IPO8: variants seen among roughly 807,000 people sequenced by gnomAD.
IPO8 encodes importin-8.
Under a neutral mutation model 141.2 loss-of-function variants are expected in IPO8, and 65 were observed. The observed-to-expected ratio is 0.46, with a 90% CI of 0.38 to 0.57. The LOEUF (loss-of-function observed/expected upper bound fraction) is 0.57. IPO8 is among the 20% of genes least tolerant of loss of function. The probability of loss-of-function intolerance (pLI) is 0.00; values close to 1 mark genes in which losing one functional copy is unlikely to be tolerated. For missense variants in IPO8, 980 were observed against 1,246.8 expected (o/e 0.79, Z 3.22); for synonymous variants, 411 against 420.3 (o/e 0.98, Z 0.27).
In IPO8 at chr12:30,634,137, G is replaced by A. The variant is rs752044190; in HGVS notation, c.2845C>T (p.Leu949Phe). The change falls in exon 23 of 25, where the codon CTT (leucine) becomes TTT (phenylalanine). Residue 949 changes from leucine to phenylalanine, a missense_variant. Around this residue, in one of 3 missense-constraint regions of IPO8, gnomAD observed 924 missense variants for 1,153.9 expected, o/e 0.80. Coordinates refer to ENST00000256079, the MANE Select transcript of IPO8 (RefSeq NM_006390.4). ...TCATCCACACTATTGTCAAGGTCAA[G>A]TGGAGTACTGAACCCCTCAAGCGCG... ...ETALEGFSTP[L>F]DLDNSVDEYQ... is the part of the protein sequence containing the mutation. 11 of 1,613,894 alleles carry A rather than the reference G, an allele frequency of 6.8e-6. No homozygotes were observed. The highest frequency in any genetic ancestry group is 9.3e-6 in the Non-Finnish European group (11 of 1,179,926).
Position 30,666,156 on chromosome 12 carries a change from A to T in IPO8, c.1221+19T>A. The T allele has an allele frequency of 6.6e-7, 1 of 1,518,236 alleles. No homozygotes were observed. The highest frequency in any genetic ancestry group is 8.9e-7 in the Non-Finnish European group (1 of 1,118,386). The allele number at this position is 1,518,236 out of a possible 1,614,324, so 94.0% of individuals were successfully genotyped here. ...CAGGCCACCTTTCAGTTTTGGATTT[A>T]AAAAGAAAAATGAAATACCTCTTTT... is the stretch of plus-strand genomic sequence containing the variant. On this transcript the variant is annotated intron_variant, in intron 11 of 24. Coordinates refer to ENST00000256079, the MANE Select transcript of IPO8 (RefSeq NM_006390.4).
At chr12:30,667,059 G>C (rs946330416) in intron 10 of IPO8, among the ~76,000 whole-genome samples, 2 of 152,164 alleles carry the variant, frequency 1.3e-5, no homozygotes, top group Admixed American at 1.3e-4. Context: ...TATCTGATAA[G>C]TCCTTGTTTA....
chr12:30,663,924 G>A (rs775197351), intron 13 of IPO8, among the ~76,000 whole-genome samples: 3 of 152,116 alleles, frequency 2.0e-5, no homozygotes, highest in African/African-American at 4.8e-5. Flanking sequence ...ATCTATTTAC[G>A]CTTTTAATAA....
At chr12:30,642,456 G>A (rs1000386443) in intron 20 of IPO8, among the ~76,000 whole-genome samples, 26 of 151,580 alleles carry the variant, frequency 1.7e-4, no homozygotes, top group Non-Finnish European at 2.8e-4. Context: ...AATTATCTGT[G>A]TACATTAATG....
chr12:30,680,688 A>G, intron 4 of IPO8, 50 bp from the exon 5 acceptor site: 2 of 1,396,866 alleles, frequency 1.4e-6, no homozygotes, highest in Non-Finnish European at 2.0e-6. Flanking sequence ...CACCCAAAGA[A>G]CCATCAACAA....
Position 30,656,701 on chromosome 12 carries a change from A to C in IPO8, c.1931T>G (p.Leu644Arg). ...NICLRIIDLV[L>R]QKHVIEFYEE... is the part of the protein sequence containing the mutation. ...GAACTTACCAATTACATGTTTCTGCAGAACAAGATCAATGATCCGTAGACA... is the reference window on the plus strand; with the variant it reads ...GAACTTACCAATTACATGTTTCTGCCGAACAAGATCAATGATCCGTAGACA... The change falls in exon 17 of 25, where the codon CTG becomes CGG. Residue 644 changes from leucine to arginine, a missense_variant. Leu to Arg is a moderately radical substitution (Grantham distance 102, BLOSUM62 -2). This residue lies in a region of IPO8 where 924 missense variants were observed against 1,153.9 expected (regional missense o/e 0.80). Transcript: ENST00000256079. 6.4e-7 allele frequency: 1 copy of C among 1,561,792 alleles called. No homozygotes were observed. Among genetic ancestry groups the C allele is most frequent in the Non-Finnish European group, 8.7e-7 (1 of 1,148,362 alleles).
chr12:30,658,568 T>C (rs1002993581), intron 16 of IPO8, among the ~76,000 whole-genome samples: 1 of 152,084 alleles, frequency 6.6e-6, no homozygotes, highest in African/African-American at 2.4e-5. Flanking sequence ...AGAGAAAAAA[T>C]AAAAACAGAA....
At chr12:30,660,972 T>G (rs1409234790) in intron 16 of IPO8, among the ~76,000 whole-genome samples, 169 bp downstream of exon 16, 1 of 151,054 alleles carries the variant, frequency 6.6e-6, no homozygotes, top group Non-Finnish European at 1.5e-5. Context: ...TATTATAATG[T>G]TACTCAGTCA....
chr12:30,671,016 G>A lies in IPO8; in HGVS notation c.990C>T (p.Leu330=), dbSNP rs761530562. The A allele has an allele frequency of 6.2e-7, 1 of 1,613,474 alleles. No homozygotes were observed. Among genetic ancestry groups the A allele is most frequent in the Non-Finnish European group, 8.5e-7 (1 of 1,179,424 alleles). The change falls in exon 9 of 25, where the codon CTC becomes CTT. Residue 330 remains leucine (L), a synonymous_variant. Transcript: ENST00000256079. ...TTATAGAATGAACCACCCCTTGGTT[G>A]AGATAGTTGAATGCTTGCTGAAGAA... ...PRVLQQAFNY[L]NQGVVHSITW...
rs1392710012 is a variant in IPO8, at chr12:30,639,691, T to A, written c.2313A>T (p.Arg771=). The A allele has an allele frequency of 1.2e-6, 2 of 1,614,004 alleles. No homozygotes were observed. Among genetic ancestry groups the A allele is most frequent in the Non-Finnish European group, 1.7e-6 (2 of 1,180,026 alleles). Residue 771 remains arginine, a synonymous_variant, in exon 21 of 25, where the codon CGA becomes CGT. Transcript: ENST00000256079. ...FVQLVLERLT[R]GVKTSELRTM... is the part of the protein sequence containing the mutation. ...TACGAAGCTCACTAGTTTTGACCCC[T>A]CGAGTTAATCTCTCCAAAACAAGTT...
rs775957008 is a variant in IPO8 at position 30,656,757 on chromosome 12, A to G, written c.1882-7T>C. 4.9e-5 allele frequency: 68 copies of G among 1,395,002 alleles called. No individual in the cohort carries two copies. Among genetic ancestry groups the G allele is most frequent in the Non-Finnish European group, 6.4e-5 (65 of 1,013,150 alleles). 86.4% of individuals were successfully genotyped at this position (1,395,002 alleles called of 1,614,324 possible). ...TCTCTAACTGCTGGGTAATCTAAAGATAAATGTTAAATATTAAGCTTAAAA... is the reference window on the plus strand; with the variant it reads ...TCTCTAACTGCTGGGTAATCTAAAGGTAAATGTTAAATATTAAGCTTAAAA... On this transcript the variant is annotated splice_polypyrimidine_tract_variant and splice_region_variant and intron_variant, in intron 16 of 24. Transcript: ENST00000256079.
chr12:30,676,317 T>G (rs1288520957), intron 6 of IPO8, among the ~76,000 whole-genome samples, 181 bp downstream of exon 6: 1 of 152,168 alleles, frequency 6.6e-6, no homozygotes, highest in African/African-American at 2.4e-5. Context: ...CAGTTTTCAT[T>G]TTTGGTAGGA....
At position 30,661,284 on chromosome 12, in the gene IPO8, A is replaced by C. The variant is rs770873019; in HGVS notation, c.1756-18T>G. The stretch of plus-strand genomic sequence containing the variant: ...ATCTCAGCCTATGAAAATAACATTA[A>C]AGTATTCCGCAATTAGTAGTACTGT... On this transcript the variant is annotated intron_variant, in intron 15 of 24. Transcript: ENST00000256079. The C allele has an allele frequency of 2.5e-6, 4 of 1,569,508 alleles. No homozygotes were observed. Among genetic ancestry groups the C allele is most frequent in the Non-Finnish European group, 2.6e-6 (3 of 1,161,956 alleles).
Position 30,639,620 on chromosome 12 carries a change from T to C in IPO8, c.2384A>G (p.Asp795Gly), listed in dbSNP as rs1250235644. 1.2e-6 allele frequency: 2 copies of C among 1,613,942 alleles called. No homozygotes were observed. The highest frequency in any genetic ancestry group is 2.2e-5 in the South Asian group (2 of 91,084). Reference protein sequence around the residue: ...VAIAALYYNPDLLLHTLERIQ... With the variant: ...VAIAALYYNPGLLLHTLERIQ... ...TCGTTCTAAAGTATGTAGCAGCAAA[T>C]CAGGGTTGTAGTACAAGGCAGCAAT... The change falls in exon 21 of 25, where the codon GAT (aspartate) becomes GGT (glycine). Residue 795 changes from aspartate to glycine, a missense_variant. Coordinates refer to ENST00000256079, the MANE Select transcript of IPO8 (RefSeq NM_006390.4).
chr12:30,645,272 T>C (rs1374455499), intron 20 of IPO8, among the ~76,000 whole-genome samples: 1 of 150,538 alleles, frequency 6.6e-6, no homozygotes, highest in Non-Finnish European at 1.5e-5. Flanking sequence ...ACTTGGGAGG[T>C]TGAAGCTCAA....
At chr12:30,657,132 C>G (rs1001292251) in intron 16 of IPO8, among the ~76,000 whole-genome samples, 1 of 151,366 alleles carries the variant, frequency 6.6e-6, no homozygotes, top group African/African-American at 2.4e-5. Flanking sequence ...AATCATCTGA[C>G]TAAAAAATTA....
intron 20 of IPO8, among the ~76,000 whole-genome samples, chr12:30,641,888 A>G (rs2052579629): frequency 6.6e-6 from 1 of 152,082 alleles, no homozygotes; most frequent in African/African-American, 2.4e-5. Context: ...GTAGTCATGA[A>G]TCTGAATTAG....
At chr12:30,666,826 G>A (rs996649534) in intron 10 of IPO8, among the ~76,000 whole-genome samples, 1 of 152,096 alleles carries the variant, frequency 6.6e-6, no homozygotes, top group Admixed American at 6.6e-5. Flanking sequence ...AATGAAATGA[G>A]GGAGAAAGCA....
chr12:30,667,744 G>A (rs1430522782), intron 10 of IPO8, among the ~76,000 whole-genome samples: 1 of 152,174 alleles, frequency 6.6e-6, no homozygotes, highest in Admixed American at 6.5e-5. Context: ...AACAGACATA[G>A]AGTTCTTATT....
Sources: gnomAD v4.1 joint callset for allele counts (sites outside exome capture counted in the v4.1 genomes callset) on GRCh38, gnomAD v4.1.1 for gene constraint, gnomAD v4.1.1 regional missense constraint, MANE v1.5 for transcripts, NCBI Gene and HGNC (gene_info 2026-07-23, HGNC 2026-07-21) for gene names.